The following ARHGEF28 variants were observed in gnomAD, a reference collection of about 807,000 sequenced individuals.
The protein encoded by ARHGEF28 is Rho guanine nucleotide exchange factor 28.
ARHGEF28 carries 152 observed loss-of-function variants against 206.6 expected under a neutral mutation model. The ratio of observed to expected loss-of-function variants is 0.74; its 90% CI spans 0.64 to 0.84. The LOEUF (loss-of-function observed/expected upper bound fraction) is 0.84. ARHGEF28 is among the 40% of genes least tolerant of loss of function. ARHGEF28 has a pLI of 0.00. For missense variants in ARHGEF28, 2,028 were observed against 2,073.2 expected (o/e 0.98, Z 0.42); for synonymous variants, 763 against 776.4 (o/e 0.98, Z 0.29).
chr5:73,902,198 G>T (rs1762308395), intron 31 of ARHGEF28: 1 of 152,198 alleles, frequency 6.6e-6, no homozygotes, highest in Non-Finnish European at 1.5e-5. Context: ...AGCTGTGACT[G>T]AGTGTTCTTT....
chr5:73,687,476 T>C (rs1360742017), intron 2 of ARHGEF28, among the ~76,000 whole-genome samples: 1 of 152,046 alleles, frequency 6.6e-6, no homozygotes, highest in Non-Finnish European at 1.5e-5. Flanking sequence ...ATTAAGCCAA[T>C]CTAGCCACTT....
chr5:73,750,023 C>T, intron 3 of ARHGEF28, 39 bp downstream of exon 3: 1 of 1,605,486 alleles, frequency 6.2e-7, no homozygotes, highest in Middle Eastern at 1.7e-4. Flanking sequence ...GGAAATTAGT[C>T]TGCAAATAAC....
At position 73,832,233 on chromosome 5, in the gene ARHGEF28, A is replaced by G; in HGVS notation, c.1025-105A>G. 2.9e-6 allele frequency: 4 copies of G among 1,378,136 alleles called. No individual in the cohort carries two copies. The South Asian group carries it at 6.1e-5, about 21-fold the overall frequency. The allele number at this position is 1,378,136 out of a possible 1,614,324, so 85.4% of individuals were successfully genotyped here. On this transcript the variant is annotated intron_variant, in intron 9 of 35. Coordinates refer to ENST00000513042, the MANE Select transcript of ARHGEF28 (RefSeq NM_001177693.2). The stretch of plus-strand genomic sequence containing the variant: ...TTAAAATCTAGCCAAAAGCCCTCTT[A>G]AAAAATGCACTTGACTTTTTTTCTT...
intron 2 of ARHGEF28, among the ~76,000 whole-genome samples, chr5:73,730,668 G>C (rs1425548896): frequency 6.6e-6 from 1 of 151,550 alleles, no homozygotes; most frequent in East Asian, 2.0e-4. Flanking sequence ...CCGAGTAGTT[G>C]GGACTACAGG....
chr5:73,642,352 C>T (rs1744171089), intron 1 of ARHGEF28, among the ~76,000 whole-genome samples: 1 of 152,082 alleles, frequency 6.6e-6, no homozygotes, highest in Admixed American at 6.5e-5. Flanking sequence ...GTTTTTTTAA[C>T]TTTCCCCCTA....
intron 35 of ARHGEF28, among the ~76,000 whole-genome samples, chr5:73,924,792 A>C (rs980488501): frequency 4.6e-5 from 7 of 152,168 alleles, no homozygotes; most frequent in African/African-American, 9.7e-5. Context: ...GCTCCTGTGC[A>C]CTGTGAATCT....
chr5:73,889,016 C>A (rs1761468188), intron 26 of ARHGEF28, among the ~76,000 whole-genome samples: 2 of 152,202 alleles, frequency 1.3e-5, no homozygotes, highest in African/African-American at 4.8e-5. Flanking sequence ...TCATTTTATC[C>A]TTGAAGAGTC....
chr5:73,673,383 C>T (rs1478603858), intron 1 of ARHGEF28, among the ~76,000 whole-genome samples: 1 of 152,176 alleles, frequency 6.6e-6, no homozygotes, highest in Non-Finnish European at 1.5e-5. Flanking sequence ...AGTTGTTGCT[C>T]TGTCCTTTGA....
intron 35 of ARHGEF28, among the ~76,000 whole-genome samples, chr5:73,925,398 A>T (rs1312791480): frequency 6.6e-6 from 1 of 151,966 alleles, no homozygotes; most frequent in Non-Finnish European, 1.5e-5. Flanking sequence ...TTTACTCTCA[A>T]CCTGATGACC....
At chr5:73,861,514 C>T (rs1285844959) in intron 16 of ARHGEF28, among the ~76,000 whole-genome samples, 2 of 152,190 alleles carry the variant, frequency 1.3e-5, no homozygotes, top group African/African-American at 4.8e-5. Context: ...CTTACTGCAA[C>T]CACCGCCTCC....
intron 3 of ARHGEF28, 64 bp downstream of exon 3, chr5:73,750,048 G>A: frequency 1.3e-6 from 2 of 1,576,030 alleles, no homozygotes; most frequent in Middle Eastern, 1.7e-4. Flanking sequence ...CTCCAGGGCT[G>A]TAGGCCAGGA....
At position 73,857,691 on chromosome 5, in the gene ARHGEF28, C is replaced by CT. The variant is rs1289348147; in HGVS notation, c.1827dup (p.Ala610CysfsTer6). 1 of 1,600,230 alleles carries CT rather than the reference C, an allele frequency of 6.2e-7. No homozygotes were observed. The highest frequency in any genetic ancestry group is 8.5e-7 in the Non-Finnish European group (1 of 1,172,444). ...GAAGAATGGGATAAATACATCATAC[C>CT]TGCCAAATCAGAGTCTGAAAAATAT... On this transcript the variant is annotated frameshift_variant, in exon 15 of 36. Transcript: ENST00000513042. LOFTEE classifies it high-confidence loss of function.
chr5:73,643,106 T>C (rs1455691305), intron 1 of ARHGEF28, among the ~76,000 whole-genome samples: 1 of 152,242 alleles, frequency 6.6e-6, no homozygotes, highest in Admixed American at 6.5e-5. Context: ...TTGATTTCTA[T>C]AGTATTATTT....
chr5:73,639,026 G>A (rs1372369142), intron 1 of ARHGEF28, among the ~76,000 whole-genome samples: 1 of 151,934 alleles, frequency 6.6e-6, no homozygotes, highest in East Asian at 1.9e-4. Context: ...CTTCTTACAG[G>A]GAAGAGAGAA....
chr5:73,737,821 G>A (rs777587921), intron 2 of ARHGEF28, among the ~76,000 whole-genome samples: 1 of 152,092 alleles, frequency 6.6e-6, no homozygotes, highest in Non-Finnish European at 1.5e-5. Flanking sequence ...CCAGCCCCTT[G>A]TGTCCTTTTC....
chr5:73,940,698 T>TA (rs1209743468), intron 35 of ARHGEF28, 146 bp from the exon 36 acceptor site: 9 of 556,838 alleles, frequency 1.6e-5, no homozygotes, highest in Non-Finnish European at 2.2e-5. Context: ...TGACACCTAT[T>TA]ATGTTCCTTT....
intron 29 of ARHGEF28, among the ~76,000 whole-genome samples, chr5:73,894,915 A>G (rs1044932942): frequency 7.9e-5 from 12 of 151,956 alleles, no homozygotes; most frequent in African/African-American, 2.9e-4. Context: ...ATCTTGAGGG[A>G]GAGTCTTCCA....
intron 2 of ARHGEF28, among the ~76,000 whole-genome samples, chr5:73,696,624 T>C (rs2112275418): frequency 6.6e-6 from 1 of 152,358 alleles, no homozygotes; most frequent in Non-Finnish European, 1.5e-5. Context: ...AAACGAATAT[T>C]CATTTTCAAT....
intron 2 of ARHGEF28, 27 bp from the exon 3 acceptor site, chr5:73,749,810 C>T: frequency 6.2e-7 from 1 of 1,611,990 alleles, no homozygotes; most frequent in Non-Finnish European, 8.5e-7. Context: ...GGAAGTCTGA[C>T]AATGCCCCGA....
Sources: gnomAD v4.1 joint callset for allele counts (sites outside exome capture counted in the v4.1 genomes callset) on GRCh38, gnomAD v4.1.1 for gene constraint, MANE v1.5 for transcripts, NCBI Gene and HGNC (gene_info 2026-07-23, HGNC 2026-07-21) for gene names.